The following GCH1 variants were observed in gnomAD, a reference collection of about 807,000 sequenced individuals.
The protein encoded by GCH1 is GTP cyclohydrolase I.
GCH1 carries 5 observed loss-of-function variants against 25.9 expected under a neutral mutation model. That is an observed-to-expected ratio of 0.19 (90% CI 0.10 to 0.41). The LOEUF is 0.41. GCH1 is among the 10% of genes least tolerant of loss of function. The pLI, the probability that GCH1 is intolerant of heterozygous loss-of-function variation, is 1.00. For missense variants in GCH1, 261 were observed against 336.5 expected (o/e 0.78, Z 1.75); for synonymous variants, 159 against 129.6 (o/e 1.23, Z -1.54).
intron 1 of GCH1, among the ~76,000 whole-genome samples, chr14:54,890,447 G>A (rs1358139748): frequency 1.3e-5 from 2 of 152,280 alleles, no homozygotes; most frequent in South Asian, 2.1e-4. Context: ...GCGGTGAGAC[G>A]AGATCGCGCC....
intron 3 of GCH1, among the ~76,000 whole-genome samples, chr14:54,858,659 A>G (rs1306207094): frequency 2.1e-5 from 3 of 144,564 alleles, no homozygotes; most frequent in Admixed American, 6.9e-5. Context: ...ATTATTTTTG[A>G]AAAAAAAAAA....
chr14:54,902,785 A>T lies in GCH1; in HGVS notation c.-122T>A. 1 of 1,252,804 alleles carries T rather than the reference A, an allele frequency of 8.0e-7. No individual in the cohort carries two copies. Among genetic ancestry groups the T allele is most frequent in the Non-Finnish European group, 1.0e-6 (1 of 975,060 alleles). 77.6% of individuals were successfully genotyped at this position (1,252,804 alleles called of 1,614,324 possible). ...CGGAGTCACCTGAGGAAGGTACGCA[A>T]CCTGCTTAGATCACACTCCGAGCCG... On this transcript the variant is annotated 5_prime_UTR_variant, in exon 1 of 6. In the 5' UTR this introduces an upstream ATG that the reference lacks. Coordinates refer to ENST00000491895, the MANE Select transcript of GCH1 (RefSeq NM_000161.3).
At chr14:54,881,138 T>A (rs895683534) in intron 1 of GCH1, among the ~76,000 whole-genome samples, 1 of 152,044 alleles carries the variant, frequency 6.6e-6, no homozygotes, top group Admixed American at 6.6e-5. Flanking sequence ...AAAAATATTT[T>A]TTTAAATTAA....
chr14:54,855,845 A>C (rs1309603304), intron 3 of GCH1, among the ~76,000 whole-genome samples: 1 of 152,226 alleles, frequency 6.6e-6, no homozygotes, highest in Non-Finnish European at 1.5e-5. Context: ...AAATTTTAAA[A>C]AGCAAGTTGT....
chr14:54,851,106 C>G (rs974243413), intron 3 of GCH1, among the ~76,000 whole-genome samples: 1 of 152,184 alleles, frequency 6.6e-6, no homozygotes, highest in African/African-American at 2.4e-5. Flanking sequence ...TGATCTTTGA[C>G]AAACATGACA....
Position 54,862,195 on chromosome 14 carries a change from A to G in GCH1, c.454-2459T>C, listed in dbSNP as rs551494986. ...TACAGGTATGCACCCACCATGCCCA[A>G]TTAATTTTAAAAAAAAATTTATTTT... On this transcript the variant is annotated intron_variant, in intron 2 of 5. Coordinates refer to ENST00000491895, the MANE Select transcript of GCH1 (RefSeq NM_000161.3). Among the ~76,000 whole-genome samples the G allele has an allele frequency of 3.9e-5, 6 of 151,928 alleles. No individual in the cohort carries two copies. In the South Asian group the frequency reaches 6.2e-4, roughly 16 times the overall value.
chr14:54,852,071 T>C (rs1259462312), intron 3 of GCH1, among the ~76,000 whole-genome samples: 2 of 152,212 alleles, frequency 1.3e-5, no homozygotes, highest in Non-Finnish European at 2.9e-5. Context: ...ATTACAGGCG[T>C]GAGCCACTGC....
At chr14:54,873,059 A>G (rs2040104412) in intron 1 of GCH1, among the ~76,000 whole-genome samples, 2 of 152,082 alleles carry the variant, frequency 1.3e-5, no homozygotes, top group South Asian at 4.2e-4. Flanking sequence ...CATTCTTCTC[A>G]GCACCACATC....
rs767294964 is a variant in GCH1 at position 54,902,595 on chromosome 14, G to A, written c.69C>T (p.Pro23=). ...PRGARCSNGF[P]ERDPPRPGPS... is the part of the protein sequence containing the mutation. ...GCCCGGGCCGCGGCGGATCCCGCTC[G>A]GGGAACCCATTGCTGCACCTGGCGC... The change falls in exon 1 of 6, where the codon CCC becomes CCT. Residue 23 remains proline (P), a synonymous_variant. Transcript: ENST00000491895. The A allele has an allele frequency of 1.8e-4, 266 of 1,499,748 alleles. 1 individual carries two copies. Among genetic ancestry groups the A allele is most frequent in the Admixed American group, 3.4e-4 (15 of 43,818 alleles). The allele number at this position is 1,499,748 out of a possible 1,614,324, so 92.9% of individuals were successfully genotyped here.
chr14:54,865,550 A>G, intron 1 of GCH1, 114 bp from the exon 2 acceptor site: 1 of 679,592 alleles, frequency 1.5e-6, no homozygotes, highest in South Asian at 1.6e-5. Context: ...CTAAAATATT[A>G]AGGGAATACA....
At chr14:54,863,187 A>G (rs1249333560) in intron 2 of GCH1, among the ~76,000 whole-genome samples, 1 of 152,094 alleles carries the variant, frequency 6.6e-6, no homozygotes, top group East Asian at 1.9e-4. Flanking sequence ...TGGGAGGCCA[A>G]GGCGGGCGGA....
At chr14:54,848,048 T>C (rs1030815721) in intron 3 of GCH1, among the ~76,000 whole-genome samples, 2 of 152,152 alleles carry the variant, frequency 1.3e-5, no homozygotes, top group Non-Finnish European at 2.9e-5. Flanking sequence ...GATAGGTTTA[T>C]GTAAGCACTT....
At chr14:54,900,037 G>C (rs569848979) in intron 1 of GCH1, among the ~76,000 whole-genome samples, 3 of 151,264 alleles carry the variant, frequency 2.0e-5, no homozygotes, top group Non-Finnish European at 4.4e-5. Flanking sequence ...GCTAATTTTT[G>C]TATTTTTGGT....
At chr14:54,878,670 C>G (rs2040198330) in intron 1 of GCH1, among the ~76,000 whole-genome samples, 1 of 152,208 alleles carries the variant, frequency 6.6e-6, no homozygotes, top group Admixed American at 6.5e-5. Flanking sequence ...TTTGGAGCTT[C>G]TACACACTTC....
intron 2 of GCH1, among the ~76,000 whole-genome samples, chr14:54,860,452 C>G (rs920143443): frequency 6.6e-6 from 1 of 152,036 alleles, no homozygotes; most frequent in African/African-American, 2.4e-5. Flanking sequence ...AAGATCCCAC[C>G]GCAAAGCCCT....
intron 1 of GCH1, among the ~76,000 whole-genome samples, chr14:54,883,057 G>A (rs1159188073): frequency 6.6e-6 from 1 of 152,152 alleles, no homozygotes; most frequent in Non-Finnish European, 1.5e-5. Flanking sequence ...CTTGAGAGCT[G>A]AGGGTACATG....
rs912257781 is a variant in GCH1, at chr14:54,899,304, T to C, written c.343+3017A>G. 5.7e-4 allele frequency among the ~76,000 whole-genome samples: 86 copies of C among 151,796 alleles called. 1 individual carries two copies. The highest frequency in any genetic ancestry group is 9.4e-4 in the Non-Finnish European group (64 of 67,952). On this transcript the variant is annotated intron_variant, in intron 1 of 5. Transcript: ENST00000491895. ...GGCAAAAACCCGTCTCTATCAAAAA[T>C]ACAAAAATTAGCAGGGCATGGTGGC...
At chr14:54,873,293 T>C (rs1050914483) in intron 1 of GCH1, among the ~76,000 whole-genome samples, 4 of 152,026 alleles carry the variant, frequency 2.6e-5, no homozygotes, top group Non-Finnish European at 4.4e-5. Context: ...TCTTTGAAAC[T>C]AATGAGAACA....
At chr14:54,896,819 C>T (rs1166761944) in intron 1 of GCH1, among the ~76,000 whole-genome samples, 1 of 150,462 alleles carries the variant, frequency 6.6e-6, no homozygotes, top group African/African-American at 2.4e-5. Context: ...ACTCAGGAGG[C>T]TGAGGCAGGA....
Sources: allele counts gnomAD v4.1 joint callset (sites outside exome capture counted in the v4.1 genomes callset), GRCh38; gene constraint gnomAD v4.1.1; transcripts MANE v1.5; gene names NCBI Gene and HGNC (gene_info 2026-07-23, HGNC 2026-07-21).